Variants in DNASE1 observed in about 807,000 individuals in gnomAD.
DNASE1 encodes the protein deoxyribonuclease 1.
Under a neutral mutation model 33.9 loss-of-function variants are expected in DNASE1, and 40 were observed. That is an observed-to-expected ratio of 1.18 (90% CI 0.92 to 1.54). The LOEUF (loss-of-function observed/expected upper bound fraction) is 1.54. Among genes scored for constraint, DNASE1 ranks in the 40% most tolerant of loss-of-function variants. DNASE1 has a pLI of 0.00. For missense variants in DNASE1, 518 were observed against 372.6 expected (o/e 1.39, Z -3.21); for synonymous variants, 216 against 160.0 (o/e 1.35, Z -2.64).
chr16:3,652,896 C>T (rs1224362866), upstream of DNASE1: 1 of 152,382 alleles, frequency 6.6e-6, no homozygotes, highest in Non-Finnish European at 1.5e-5. Flanking sequence ...GGACTTCTGC[C>T]AAGCCTTCCA....
intron 1 of DNASE1, among the ~76,000 whole-genome samples, chr16:3,628,479 G>C (rs558453036): frequency 6.6e-6 from 1 of 152,150 alleles, no homozygotes; most frequent in Non-Finnish European, 1.5e-5. Context: ...TGGTAAAGGT[G>C]AATGTTCTCA....
At chr16:3,649,174 TAGC>T (rs1172174991) in intron 1 of DNASE1, among the ~76,000 whole-genome samples, 1 of 152,230 alleles carries the variant, frequency 6.6e-6, no homozygotes, top group Non-Finnish European at 1.5e-5. Flanking sequence ...TTTGTGATGT[TAGC>T]AGCCACTACA....
chr16:3,646,222 G>A (rs1014371039), intron 1 of DNASE1, among the ~76,000 whole-genome samples: 3 of 152,106 alleles, frequency 2.0e-5, no homozygotes, highest in Admixed American at 6.6e-5. Context: ...TCTGGGGGGG[G>A]TCTGCGGGGA....
At position 3,654,884 on chromosome 16, in the gene DNASE1, C is replaced by A; in HGVS notation, c.-162C>A. The A allele has an allele frequency of 2.3e-6, 1 of 429,972 alleles. No individual in the cohort carries two copies. Among genetic ancestry groups the A allele is most frequent in the Non-Finnish European group, 4.1e-6 (1 of 245,724 alleles). 26.6% of individuals were successfully genotyped at this position (429,972 alleles called of 1,614,324 possible). A position where few individuals can be genotyped will look rare whatever the true frequency, so the allele number is the denominator to read the frequency against. On this transcript the variant is annotated 5_prime_UTR_variant, in exon 1 of 9. Coordinates refer to ENST00000246949, the MANE Select transcript of DNASE1 (RefSeq NM_005223.4). ...CGCACTGCCTGTGCAGGATCCGGAG[C>A]CCAGCAGCACTGCCAGGGCCTTGAA...
chr16:3,659,008 TATAGATAATATCATTATA>T (rs1237724941), downstream of DNASE1: 205 of 770,554 alleles, frequency 2.7e-4, 2 homozygotes, highest in Non-Finnish European at 4.0e-4. Context: ...AATGATCATT[TATAGATAATATCATTATA>T]TACCCAGAAA....
intron 1 of DNASE1, among the ~76,000 whole-genome samples, chr16:3,629,655 C>G (rs2041634686): frequency 6.6e-6 from 1 of 152,154 alleles, no homozygotes; most frequent in South Asian, 2.1e-4. Context: ...AGGGTTGGTA[C>G]TACTAGTTGT....
At chr16:3,613,520 C>A (rs1281895351) in intron 1 of DNASE1, among the ~76,000 whole-genome samples, 1 of 152,132 alleles carries the variant, frequency 6.6e-6, no homozygotes, top group African/African-American at 2.4e-5. Context: ...TCAAAACCTT[C>A]CAAGAGGTTT....
intron 1 of DNASE1, among the ~76,000 whole-genome samples, chr16:3,645,129 C>T (rs1227245276): frequency 2.6e-5 from 4 of 152,172 alleles, no homozygotes; most frequent in African/African-American, 7.2e-5. Flanking sequence ...GACCCTGTCT[C>T]ATTTCTTTAA....
upstream of DNASE1, among the ~76,000 whole-genome samples, chr16:3,642,366 G>T (rs1196509972): frequency 6.6e-6 from 1 of 152,224 alleles, no homozygotes; most frequent in Admixed American, 6.5e-5. Flanking sequence ...ATGGGATGTG[G>T]AGGCTGAAGA....
exon 10 of DNASE1, chr16:3,663,158 G>A (rs1257536413): frequency 4.6e-6 from 3 of 657,000 alleles, no homozygotes; most frequent in Admixed American, 3.0e-5. Context: ...CATACAACTT[G>A]GTTAGGGCTT....
chr16:3,662,496 G>C (rs137856170), downstream of DNASE1: 6 of 517,308 alleles, frequency 1.2e-5, no homozygotes, highest in African/African-American at 7.6e-5. Context: ...TTGGTGGGGG[G>C]AGTCTTAGCT....
chr16:3,653,922 A>T (rs539472061), upstream of DNASE1: 1 of 152,746 alleles, frequency 6.5e-6, no homozygotes, highest in Admixed American at 6.6e-5. Context: ...CAGTCTGGAC[A>T]AAAGAGCAAG....
At chr16:3,651,703 G>A (rs1182477579), upstream of DNASE1, 1 of 152,636 alleles carries the variant, frequency 6.6e-6, no homozygotes, top group African/African-American at 2.4e-5. Context: ...GGGAGCTGCA[G>A]TCTCTCCAGC....
chr16:3,656,642 G>C lies in DNASE1; in HGVS notation c.325G>C (p.Asp109His), dbSNP rs2151220716. The C allele has an allele frequency of 1.9e-6, 3 of 1,610,760 alleles. No homozygotes were observed. Residue 109 changes from aspartate (D) to histidine (H), a missense_variant, in exon 5 of 9, where the codon GAC (aspartate) becomes CAC (histidine). By Grantham distance (81) the Asp-to-His change is moderately conservative. Transcript: ENST00000246949. ...TCCTGCCCGGCCTTCCCGCAGGCCTGACCAGGTGTCTGCGGTGGACAGCTA... is the reference window on the plus strand; with the variant it reads ...TCCTGCCCGGCCTTCCCGCAGGCCTCACCAGGTGTCTGCGGTGGACAGCTA... Reference protein sequence around the residue: ...KERYLFVYRPDQVSAVDSYYY... With the variant: ...KERYLFVYRPHQVSAVDSYYY...
chr16:3,661,032 A>G (rs2151236643), downstream of DNASE1: 1 of 152,224 alleles, frequency 6.6e-6, no homozygotes, highest in Admixed American at 6.5e-5. Context: ...ATGTAACTTC[A>G]TTTTTTAAAA....
rs990252602 is a variant in DNASE1, at chr16:3,656,673, A to G, written c.356A>G (p.Tyr119Cys). 8.1e-6 allele frequency: 13 copies of G among 1,613,108 alleles called. No individual in the cohort carries two copies. The highest frequency in any genetic ancestry group is 1.1e-5 in the Non-Finnish European group (13 of 1,179,658). The change falls in exon 5 of 9, where the codon TAC (tyrosine) becomes TGC (cysteine). Residue 119 changes from tyrosine to cysteine, a missense_variant. By Grantham distance (194) the Tyr-to-Cys change is radical (BLOSUM62 -2). Coordinates refer to ENST00000246949, the MANE Select transcript of DNASE1 (RefSeq NM_005223.4). ...DQVSAVDSYY[Y>C]DDGCEPCGND... Reference sequence around the variant, plus strand: ...GTGTCTGCGGTGGACAGCTACTACTACGATGATGGCTGCGAGCCCTGCGGG... The same window carrying G: ...GTGTCTGCGGTGGACAGCTACTACTGCGATGATGGCTGCGAGCCCTGCGGG...
At chr16:3,654,292 AGGCCCCACCTGTCCT>A (rs1490336147), upstream of DNASE1, 12 of 398,074 alleles carry the variant, frequency 3.0e-5, no homozygotes, top group East Asian at 4.3e-4. Context: ...TGGGCTTTGC[AGGCCCCACCTGTCCT>A]GGCCCCACGG....
chr16:3,658,103 T>G, downstream of DNASE1: 1 of 1,612,084 alleles, frequency 6.2e-7, no homozygotes, highest in East Asian at 2.2e-5. Flanking sequence ...TCATCTGTGG[T>G]GTCAGTCCTT....
rs1487841127 is a variant in DNASE1 at position 3,656,829 on chromosome 16, G to A, written c.436+76G>A. 19 of 1,544,740 alleles carry A rather than the reference G, an allele frequency of 1.2e-5. No homozygotes were observed. In the East Asian group the frequency reaches 4.4e-4, roughly 36 times the overall value. On this transcript the variant is annotated intron_variant, in intron 5 of 8. Coordinates refer to ENST00000246949, the MANE Select transcript of DNASE1 (RefSeq NM_005223.4). ...CACCCCCTCCTAGGGAACCTGGAAT[G>A]CCTGTGTCACACACTGCCCTCCCAG...
Sources: gnomAD v4.1 joint callset for allele counts (sites outside exome capture counted in the v4.1 genomes callset) on GRCh38, gnomAD v4.1.1 for gene constraint, MANE v1.5 for transcripts, NCBI Gene and HGNC (gene_info 2026-07-23, HGNC 2026-07-21) for gene names.